Variants in USP34 observed in about 807,000 individuals in gnomAD.
The protein encoded by USP34 is ubiquitin carboxyl-terminal hydrolase 34.
USP34 carries 70 observed loss-of-function variants against 460.3 expected under a neutral mutation model. The observed-to-expected ratio is 0.15, with a 90% CI of 0.13 to 0.19. The LOEUF (loss-of-function observed/expected upper bound fraction) is 0.19. Ranked by LOEUF, USP34 falls within the 10% of genes least tolerant of loss-of-function variation. USP34 has a pLI of 1.00. For synonymous variants in USP34, 1,647 were observed against 1,405.3 expected, an observed-to-expected ratio of 1.17 and a Z score of -3.85; for missense variants, 3,985 against 4,236.2, an observed-to-expected ratio of 0.94 and a Z score of 1.65.
At chr2:61,346,345 T>C (rs1194251790) in intron 15 of USP34, 1 of 94,740 alleles carries the variant, frequency 1.1e-5, no homozygotes, top group East Asian at 3.0e-4. Context: ...CAATACTCTG[T>C]CTCTATAAAA....
chr2:61,378,912 C>CAAAAA (rs1491197501), intron 7 of USP34, among the ~76,000 whole-genome samples: 1 of 8,630 alleles, frequency 1.2e-4, no homozygotes, highest in Non-Finnish European at 2.1e-4. Context: ...CTCAAAAAAA[C>CAAAAA]GAAAAAAAAA....
Position 61,309,536 on chromosome 2 carries a change from C to T in USP34, c.3817+2004G>A, listed in dbSNP as rs112937078. 9.4e-3 allele frequency among the ~76,000 whole-genome samples: 1,433 copies of T among 152,246 alleles called. 24 individuals carry two copies. The highest frequency in any genetic ancestry group is 0.033 in the African/African-American group (1,374 of 41,536). The stretch of plus-strand genomic sequence containing the variant: ...CCCTGCTGCCACTGTACTATCTTCT[C>T]TATGTTACAAAAGAATGGACGACGA... On this transcript the variant is annotated intron_variant, in intron 27 of 79. Transcript: ENST00000398571.
intron 13 of USP34, 84 bp downstream of exon 13, chr2:61,349,166 A>T: frequency 6.9e-7 from 1 of 1,455,630 alleles, no homozygotes; most frequent in Non-Finnish European, 9.4e-7. Flanking sequence ...ATACAAATAT[A>T]TTATTATGTA....
intron 1 of USP34, among the ~76,000 whole-genome samples, chr2:61,432,497 A>G (rs958172065): frequency 4.6e-5 from 7 of 152,164 alleles, no homozygotes; most frequent in African/African-American, 1.7e-4. Context: ...AAACAAACAA[A>G]GCTGGACACA....
intron 10 of USP34, among the ~76,000 whole-genome samples, chr2:61,353,077 C>A (rs1278150128): frequency 6.6e-6 from 1 of 152,230 alleles, no homozygotes; most frequent in East Asian, 1.9e-4. Context: ...ACACTCCCAA[C>A]CTGCCCATGC....
intron 33 of USP34, 108 bp from the exon 34 acceptor site, chr2:61,288,985 C>CATGA: frequency 9.0e-7 from 1 of 1,116,578 alleles, no homozygotes; most frequent in Non-Finnish European, 1.3e-6. Flanking sequence ...ATAGCTAGTA[C>CATGA]TTAATCATGT....
chr2:61,325,289 A>C (rs922744730), intron 21 of USP34, 86 bp downstream of exon 21: 7 of 842,818 alleles, frequency 8.3e-6, no homozygotes, highest in Non-Finnish European at 3.5e-6. Flanking sequence ...AAAAAAAAAA[A>C]AACTGCAGAA....
chr2:61,294,670 C>T (rs936404272), intron 32 of USP34, among the ~76,000 whole-genome samples: 5 of 152,194 alleles, frequency 3.3e-5, no homozygotes, highest in African/African-American at 1.2e-4. Flanking sequence ...ATCCATCCGT[C>T]TCAGCCTCCC....
At chr2:61,343,199 T>G (rs542518589) in intron 16 of USP34, among the ~76,000 whole-genome samples, 19 of 152,318 alleles carry the variant, frequency 1.2e-4, no homozygotes, top group African/African-American at 4.6e-4. Flanking sequence ...GCCTTTAAAC[T>G]GCCAATTCTA....
At chr2:61,424,645 G>A (rs773345024) in intron 1 of USP34, among the ~76,000 whole-genome samples, 2 of 152,230 alleles carry the variant, frequency 1.3e-5, no homozygotes, top group Non-Finnish European at 2.9e-5. Flanking sequence ...CGAGGCCAAG[G>A]CAAGAGGATC....
At chr2:61,394,464 G>A (rs1425103883) in intron 5 of USP34, among the ~76,000 whole-genome samples, 7 of 150,464 alleles carry the variant, frequency 4.7e-5, no homozygotes, top group Non-Finnish European at 7.4e-5. Flanking sequence ...AGGAGGGTGA[G>A]GTGGGAGGAT....
At chr2:61,370,001 AAC>A (rs1692570128) in intron 10 of USP34, among the ~76,000 whole-genome samples, 1 of 151,434 alleles carries the variant, frequency 6.6e-6, no homozygotes, top group South Asian at 2.1e-4. Context: ...AAAAAAAAAA[AAC>A]AGTACATCAG....
rs1034528613 is a variant in USP34 at position 61,226,350 on chromosome 2, A to C, written c.7595+717T>G. 1.2e-4 allele frequency among the ~76,000 whole-genome samples: 18 copies of C among 152,320 alleles called. 1 individual carries two copies. Among genetic ancestry groups the C allele is most frequent in the Middle Eastern group, 3.4e-3 (1 of 294 alleles). On this transcript the variant is annotated intron_variant, in intron 62 of 79. Transcript: ENST00000398571. ...TGTGAATGACTGCAAAAGCTCCCCG[A>C]GTGCCACTTTTGGCATTACAAATGC...
chr2:61,460,737 T>A (rs140697415), intron 1 of USP34, among the ~76,000 whole-genome samples: 85 of 152,114 alleles, frequency 5.6e-4, no homozygotes, highest in African/African-American at 2.0e-3. Context: ...GTAATCCCAG[T>A]ACTTTGGGAG....
chr2:61,187,979 A>G lies in USP34; in HGVS notation c.*123T>C. On this transcript the variant is annotated 3_prime_UTR_variant, in exon 80 of 80. Transcript: ENST00000398571. Reference sequence around the variant, plus strand: ...GACCAAGAATTAAGCCTATAAATCTATCTTGCCATTCAAGCAGAGAGCACT... The same window carrying G: ...GACCAAGAATTAAGCCTATAAATCTGTCTTGCCATTCAAGCAGAGAGCACT... 4.1e-6 allele frequency: 6 copies of G among 1,467,022 alleles called. No homozygotes were observed. Among genetic ancestry groups the G allele is most frequent in the East Asian group, 2.4e-5 (1 of 41,670 alleles). The allele number at this position is 1,467,022 out of a possible 1,614,324, so 90.9% of individuals were successfully genotyped here. A position where few individuals can be genotyped will look rare whatever the true frequency, so the allele number is the denominator to read the frequency against.
chr2:61,373,536 T>C (rs1387640054), intron 8 of USP34, among the ~76,000 whole-genome samples: 14 of 151,364 alleles, frequency 9.2e-5, no homozygotes, highest in Admixed American at 8.6e-4. Flanking sequence ...AGCCAAAAAA[T>C]GTCTGAAAGA....
intron 2 of USP34, among the ~76,000 whole-genome samples, chr2:61,406,346 T>G (rs1693870093): frequency 6.6e-6 from 1 of 152,174 alleles, no homozygotes; most frequent in Admixed American, 6.5e-5. Context: ...ACAGCTATTA[T>G]CTTCAGTTTT....
intron 76 of USP34, among the ~76,000 whole-genome samples, chr2:61,192,435 G>A (rs926476439): frequency 3.3e-5 from 5 of 152,166 alleles, no homozygotes; most frequent in Admixed American, 1.3e-4. Flanking sequence ...CAAGGAGATC[G>A]CTGTAAGAAA....
At chr2:61,328,153 C>T (rs189046452) in intron 20 of USP34, among the ~76,000 whole-genome samples, 6 of 151,472 alleles carry the variant, frequency 4.0e-5, no homozygotes, top group East Asian at 3.9e-4. Context: ...AAAGCGAAAA[C>T]GAGCCGGGTG....
Sources: gnomAD v4.1 joint callset for allele counts (sites outside exome capture counted in the v4.1 genomes callset) on GRCh38, gnomAD v4.1.1 for gene constraint, MANE v1.5 for transcripts, NCBI Gene and HGNC (gene_info 2026-07-23, HGNC 2026-07-21) for gene names.